The following PDE11A variants were observed in gnomAD, a reference collection of about 807,000 sequenced individuals.
PDE11A encodes the protein phosphodiesterase 11A.
In PDE11A, 100 loss-of-function variants were observed where a neutral mutation model predicts 100.5. The observed-to-expected ratio is 1.00, with a 90% CI of 0.85 to 1.18. PDE11A has a LOEUF of 1.18. Ranked by LOEUF, PDE11A falls within the 50% of genes most tolerant of loss-of-function variation. The pLI is 0.00. For synonymous variants in PDE11A, 381 were observed against 420.8 expected (o/e 0.91, Z 1.16); for missense variants, 1,141 against 1,152.6 (o/e 0.99, Z 0.15).
At chr2:178,082,396 C>A (rs1328865237) in intron 2 of PDE11A, among the ~76,000 whole-genome samples, 2 of 152,094 alleles carry the variant, frequency 1.3e-5, no homozygotes, top group Non-Finnish European at 2.9e-5. Context: ...AATAGTAAAA[C>A]CTTTTTTAAA....
chr2:177,892,782 C>T (rs1300046978), intron 4 of PDE11A, among the ~76,000 whole-genome samples: 1 of 152,212 alleles, frequency 6.6e-6, no homozygotes, highest in African/African-American at 2.4e-5. Context: ...TAAATATCCA[C>T]AGCCCCTCCA....
chr2:177,846,189 G>C (rs1033451444), intron 5 of PDE11A, among the ~76,000 whole-genome samples: 4 of 152,158 alleles, frequency 2.6e-5, no homozygotes, highest in African/African-American at 9.7e-5. Context: ...TTAGGATCAT[G>C]AGTTTTGGCA....
At chr2:177,803,024 TACTC>T (rs551380251) in intron 9 of PDE11A, among the ~76,000 whole-genome samples, 398 of 152,006 alleles carry the variant, frequency 2.6e-3, no homozygotes, top group African/African-American at 8.7e-3. Context: ...AATTAAAAGA[TACTC>T]ATTCATTTTT....
chr2:177,945,006 G>T (rs2085390448), intron 2 of PDE11A, among the ~76,000 whole-genome samples: 2 of 149,602 alleles, frequency 1.3e-5, no homozygotes, highest in African/African-American at 2.4e-5. Context: ...GGTTTTGGTG[G>T]AGACGGGGTT....
intron 9 of PDE11A, among the ~76,000 whole-genome samples, chr2:177,783,210 C>T (rs2082478473): frequency 6.6e-6 from 1 of 152,128 alleles, no homozygotes; most frequent in African/African-American, 2.4e-5. Context: ...ATATTCATTC[C>T]CTCATAATCT....
At chr2:177,912,590 C>T (rs2084898508) in intron 2 of PDE11A, among the ~76,000 whole-genome samples, 1 of 152,082 alleles carries the variant, frequency 6.6e-6, no homozygotes, top group South Asian at 2.1e-4. Context: ...GTTTTTAATT[C>T]CCACCCTCTT....
chr2:177,700,423 G>T (rs919452223), intron 14 of PDE11A, among the ~76,000 whole-genome samples: 2 of 146,496 alleles, frequency 1.4e-5, no homozygotes, highest in Admixed American at 1.4e-4. Context: ...AAAAAAGTCT[G>T]TACGCTTGCA....
At chr2:177,699,463 C>T (rs764547438) in intron 14 of PDE11A, among the ~76,000 whole-genome samples, 2 of 152,174 alleles carry the variant, frequency 1.3e-5, no homozygotes, top group Non-Finnish European at 2.9e-5. Context: ...AGTGACAGTG[C>T]TAGCCAGAAA....
Position 177,885,271 on chromosome 2 carries a change from C to G in PDE11A, c.1303-9348G>C, listed in dbSNP as rs548015788. Among the ~76,000 whole-genome samples, 12 of 151,842 alleles carry G rather than the reference C, an allele frequency of 7.9e-5. No individual in the cohort carries two copies. The South Asian group carries it at 2.5e-3, about 32-fold the overall frequency. Reference sequence around the variant, plus strand: ...ATTTTTTCAGTTAATATAATTGGCCCTCTTTATCCATGGGTTCTGCATCCA... The same window carrying G: ...ATTTTTTCAGTTAATATAATTGGCCGTCTTTATCCATGGGTTCTGCATCCA... On this transcript the variant is annotated intron_variant, in intron 4 of 19. Transcript: ENST00000286063.
At chr2:177,889,293 T>C (rs773710220) in intron 4 of PDE11A, among the ~76,000 whole-genome samples, 24 of 152,228 alleles carry the variant, frequency 1.6e-4, no homozygotes, top group Non-Finnish European at 3.4e-4. Context: ...TTTCCTGCAA[T>C]AGATGCTTTG....
intron 2 of PDE11A, among the ~76,000 whole-genome samples, chr2:177,993,842 T>TC: frequency 6.6e-6 from 1 of 151,978 alleles, no homozygotes; most frequent in Non-Finnish European, 1.5e-5. Flanking sequence ...AAGAAAAAAA[T>TC]TTAACAATTC....
At chr2:177,636,039 G>A (rs940475883) in intron 19 of PDE11A, among the ~76,000 whole-genome samples, 3 of 151,986 alleles carry the variant, frequency 2.0e-5, no homozygotes, top group Non-Finnish European at 4.4e-5. Flanking sequence ...TCTAGAATGG[G>A]TATTGCTGGG....
rs114046060 is a variant in PDE11A at position 177,857,899 on chromosome 2, A to T, written c.1368-17516T>A. Among the ~76,000 whole-genome samples, 1,102 of 152,134 alleles carry T rather than the reference A, an allele frequency of 7.2e-3. 12 individuals are homozygous for T. The highest frequency in any genetic ancestry group is 0.025 in the African/African-American group (1,026 of 41,472). The stretch of plus-strand genomic sequence containing the variant: ...AAAGAGAGCTGAAGTAGCTATTCAT[A>T]TCAGATAAAACAGTTTTTTTTAAAA... On this transcript the variant is annotated intron_variant, in intron 5 of 19. Coordinates refer to ENST00000286063, the MANE Select transcript of PDE11A (RefSeq NM_016953.4).
chr2:177,789,630 C>T (rs570605862), intron 9 of PDE11A, among the ~76,000 whole-genome samples: 139 of 152,054 alleles, frequency 9.1e-4, no homozygotes, highest in South Asian at 5.4e-3. Context: ...GATTGTATAT[C>T]TAGAAAACCC....
intron 17 of PDE11A, among the ~76,000 whole-genome samples, chr2:177,672,445 CG>C (rs1329490150): frequency 3.3e-5 from 5 of 151,978 alleles, no homozygotes; most frequent in African/African-American, 4.8e-5. Context: ...AAAATTGGTA[CG>C]GAAGTGAGGT....
chr2:177,762,010 C>G (rs1156548646), intron 10 of PDE11A, among the ~76,000 whole-genome samples: 1 of 152,158 alleles, frequency 6.6e-6, no homozygotes, highest in East Asian at 1.9e-4. Flanking sequence ...GGGTCAACAG[C>G]AGGAGGCGGG....
intron 1 of PDE11A, among the ~76,000 whole-genome samples, chr2:178,056,586 C>T (rs1336414662): frequency 6.6e-6 from 1 of 152,012 alleles, no homozygotes; most frequent in Non-Finnish European, 1.5e-5. Flanking sequence ...CAACCAAGGG[C>T]CACATGGGGT....
At chr2:178,069,656 C>T (rs902710970) in intron 1 of PDE11A, among the ~76,000 whole-genome samples, 8 of 152,160 alleles carry the variant, frequency 5.3e-5, no homozygotes, top group African/African-American at 1.9e-4. Flanking sequence ...GCTTTACACT[C>T]TGCAGAGTAA....
chr2:177,916,927 A>ATTTTTTTT (rs1183483256), intron 2 of PDE11A, among the ~76,000 whole-genome samples: 13 of 105,302 alleles, frequency 1.2e-4, no homozygotes, highest in East Asian at 8.1e-4. Flanking sequence ...CGCCCGGCTA[A>ATTTTTTTT]TTTTTTTTTT....
Sources: allele counts gnomAD v4.1 joint callset (sites outside exome capture counted in the v4.1 genomes callset), GRCh38; gene constraint gnomAD v4.1.1; transcripts MANE v1.5; gene names NCBI Gene and HGNC (gene_info 2026-07-23, HGNC 2026-07-21).